The following LPCAT1 variants were observed in gnomAD, a reference collection of about 807,000 sequenced individuals.
LPCAT1 encodes 1-acylglycerol-3-phosphate O-acyltransferase.
In LPCAT1, 23 loss-of-function variants were observed where a neutral mutation model predicts 60.9. That is an observed-to-expected ratio of 0.38 (90% CI 0.27 to 0.53). The LOEUF (loss-of-function observed/expected upper bound fraction) is 0.53, where lower values mean the gene tolerates loss of function less well. Ranked by LOEUF, LPCAT1 falls within the 20% of genes least tolerant of loss-of-function variation. The pLI, the probability that LPCAT1 is intolerant of heterozygous loss-of-function variation, is 0.82. For synonymous variants in LPCAT1, 340 were observed against 301.1 expected (o/e 1.13, Z -1.34); for missense variants, 622 against 723.6 (o/e 0.86, Z 1.61).
rs748738167 is a variant in LPCAT1 at position 1,462,701 on chromosome 5, G to C, written c.*950C>G. The C allele has an allele frequency of 6.6e-5, 10 of 152,240 alleles. No homozygotes were observed. Among genetic ancestry groups the C allele is most frequent in the Non-Finnish European group, 4.4e-5 (3 of 68,060 alleles). 9.4% of individuals were successfully genotyped at this position (152,240 alleles called of 1,614,324 possible). On this transcript the variant is annotated 3_prime_UTR_variant, in exon 14 of 14. Coordinates refer to ENST00000283415, the MANE Select transcript of LPCAT1 (RefSeq NM_024830.5). ...CCTGGCCTGAGGGCAAGGGAGGAGC[G>C]GCACGGCGGCGGCTGCCTTGCGCTT...
chr5:1,493,042 G>C (rs1305702493), intron 3 of LPCAT1, among the ~76,000 whole-genome samples: 1 of 152,264 alleles, frequency 6.6e-6, no homozygotes, highest in Non-Finnish European at 1.5e-5. Context: ...TGCCCCATGA[G>C]CCTGTGGAGC....
rs575106581 is a variant in LPCAT1 at position 1,518,604 on chromosome 5, T to C, written c.135+5106A>G. ...ATCCGCCCGCCTCGGCCTCCCAAAG[T>C]GCTGGGATTACAGGCGTGAGCCGTT... On this transcript the variant is annotated intron_variant, in intron 1 of 13. Coordinates refer to ENST00000283415, the MANE Select transcript of LPCAT1 (RefSeq NM_024830.5). 2.0e-5 allele frequency among the ~76,000 whole-genome samples: 3 copies of C among 152,320 alleles called. No individual in the cohort carries two copies. The South Asian group carries it at 6.2e-4, about 32-fold the overall frequency.
At chr5:1,507,025 G>A (rs1736207186) in intron 1 of LPCAT1, among the ~76,000 whole-genome samples, 1 of 152,232 alleles carries the variant, frequency 6.6e-6, no homozygotes, top group Non-Finnish European at 1.5e-5. Flanking sequence ...AGGGATAAGC[G>A]GGCTGTTGCG....
rs201514261 is a variant in LPCAT1 at position 1,480,990 on chromosome 5, G to A, written c.727-14C>T. The A allele has an allele frequency of 6.2e-7, 1 of 1,613,586 alleles. No individual in the cohort carries two copies. The highest frequency in any genetic ancestry group is 1.3e-5 in the African/African-American group (1 of 75,048). The stretch of plus-strand genomic sequence containing the variant: ...TGTGATGGTGTCCTGGGGAGGAAGA[G>A]GCAGGGTCAGTCAGCATGGGGCCTG... On this transcript the variant is annotated splice_polypyrimidine_tract_variant and intron_variant, in intron 6 of 13. Transcript: ENST00000283415. The surrounding 1 kb of genome is among the most constrained non-coding windows in gnomAD (Gnocchi z 6.4).
rs540586701 is a variant in LPCAT1 at position 1,487,192 on chromosome 5, C to T, written c.667+1199G>A. 4.6e-4 allele frequency among the ~76,000 whole-genome samples: 70 copies of T among 152,360 alleles called. No homozygotes were observed. Among genetic ancestry groups the T allele is most frequent in the Non-Finnish European group, 8.7e-4 (59 of 68,042 alleles). On this transcript the variant is annotated intron_variant, in intron 5 of 13. Transcript: ENST00000283415. This position sits in a 1 kb window ranked among gnomAD's most constrained non-coding sequence, Gnocchi z 6.1. ...ACCTGACGTACTTGCCAGCTGTCTT[C>T]TGCCTGGGGCCTTGGAAACACGGCC...
At chr5:1,517,585 G>A (rs1736542106) in intron 1 of LPCAT1, among the ~76,000 whole-genome samples, 2 of 152,182 alleles carry the variant, frequency 1.3e-5, no homozygotes, top group South Asian at 2.1e-4. Flanking sequence ...GTCGAGTCCC[G>A]TGCCCGGCTC....
intron 11 of LPCAT1, among the ~76,000 whole-genome samples, chr5:1,471,173 C>T (rs1734653883): frequency 6.6e-6 from 1 of 152,200 alleles, no homozygotes; most frequent in East Asian, 1.9e-4. Flanking sequence ...ACAGGAAGCA[C>T]CTCAGCAAAG....
chr5:1,466,302 C>T lies in LPCAT1; in HGVS notation c.1420+447G>A, dbSNP rs564215963. Among the ~76,000 whole-genome samples the T allele has an allele frequency of 1.1e-4, 17 of 152,312 alleles. No individual in the cohort carries two copies. The South Asian group carries it at 3.5e-3, about 32-fold the overall frequency. ...CAGGTGACTTTTCTCGGGAGGAAGT[C>T]GCCCTGGGCGGCACGGGGGTCTGCA... On this transcript the variant is annotated intron_variant, in intron 13 of 13. Coordinates refer to ENST00000283415, the MANE Select transcript of LPCAT1 (RefSeq NM_024830.5).
intron 13 of LPCAT1, among the ~76,000 whole-genome samples, chr5:1,465,150 G>A (rs1280070943): frequency 3.7e-5 from 5 of 136,004 alleles, no homozygotes; most frequent in African/African-American, 1.4e-4. Context: ...GGCACACGCG[G>A]TAACTAAACA....
intron 8 of LPCAT1, among the ~76,000 whole-genome samples, chr5:1,479,150 C>G (rs545965541): frequency 6.6e-6 from 1 of 152,322 alleles, no homozygotes; most frequent in East Asian, 1.9e-4. Flanking sequence ...GATCCCCGCA[C>G]TTTAGGAGGC....
chr5:1,503,181 G>A (rs1056800970), intron 1 of LPCAT1, among the ~76,000 whole-genome samples: 6 of 152,196 alleles, frequency 3.9e-5, no homozygotes, highest in Middle Eastern at 3.4e-3. Flanking sequence ...CCCCTTCCCC[G>A]CTTCTGGGGG....
intron 1 of LPCAT1, among the ~76,000 whole-genome samples, chr5:1,508,138 G>C (rs146972758): frequency 3.3e-5 from 5 of 152,114 alleles, no homozygotes; most frequent in Non-Finnish European, 5.9e-5. Flanking sequence ...TCTGCTGTTC[G>C]GGAGGCACCT....
In LPCAT1 at chr5:1,470,940, C is replaced by T. The variant is rs747645922; in HGVS notation, c.1180-16G>A. ...CGCTGCCGCTCTGTGGGGAGAGACG[C>T]TCTCAGCCACAGCTCGGCCGCCTTC... On this transcript the variant is annotated splice_polypyrimidine_tract_variant and intron_variant, in intron 11 of 13. Coordinates refer to ENST00000283415, the MANE Select transcript of LPCAT1 (RefSeq NM_024830.5). 3 of 1,608,062 alleles carry T rather than the reference C, an allele frequency of 1.9e-6. No individual in the cohort carries two copies. The highest frequency in any genetic ancestry group is 8.5e-7 in the Non-Finnish European group (1 of 1,176,852).
intron 13 of LPCAT1, among the ~76,000 whole-genome samples, chr5:1,465,310 A>G (rs1374129576): frequency 2.1e-4 from 30 of 145,866 alleles, no homozygotes; most frequent in South Asian, 4.4e-4. Flanking sequence ...ATGTGCGCGC[A>G]CACACAAAAC....
rs186784558 is a variant in LPCAT1 at position 1,516,196 on chromosome 5, A to G, written c.135+7514T>C. Among the ~76,000 whole-genome samples the G allele has an allele frequency of 1.3e-3, 201 of 152,304 alleles. 1 individual carries two copies. Among genetic ancestry groups the G allele is most frequent in the African/African-American group, 4.0e-3 (167 of 41,568 alleles). ...CCCACTCTTTACAGAGACTTCCCCA[A>G]TGGCACAGGCGCCACGTGGTCCTGG... On this transcript the variant is annotated intron_variant, in intron 1 of 13. Transcript: ENST00000283415.
At chr5:1,491,387 G>A (rs1735576241) in intron 3 of LPCAT1, among the ~76,000 whole-genome samples, 1 of 152,008 alleles carries the variant, frequency 6.6e-6, no homozygotes, top group Admixed American at 6.6e-5. Flanking sequence ...AATCCTGTCA[G>A]CTGGTTTGTT....
chr5:1,474,202 A>AC, intron 10 of LPCAT1, 92 bp from the exon 11 acceptor site: 1 of 1,365,452 alleles, frequency 7.3e-7, no homozygotes. Context: ...AAATATTAAA[A>AC]TTGACAGAAG....
At position 1,481,910 on chromosome 5, in the gene LPCAT1, C is replaced by T. The variant is rs537703878; in HGVS notation, c.727-934G>A. Among the ~76,000 whole-genome samples the T allele has an allele frequency of 2.4e-4, 36 of 152,376 alleles. No homozygotes were observed. The highest frequency in any genetic ancestry group is 1.6e-3 in the Admixed American group (24 of 15,312). On this transcript the variant is annotated intron_variant, in intron 6 of 13. Coordinates refer to ENST00000283415, the MANE Select transcript of LPCAT1 (RefSeq NM_024830.5). The surrounding 1 kb of genome is among the most constrained non-coding windows in gnomAD (Gnocchi z 7.8). ...AAAGTGAAGCCCGGCAGGCATCGGA[C>T]GGGACAGGCCCTGAGGCGGATGGCC...
In LPCAT1 at chr5:1,495,227, G is replaced by A. The variant is rs1018869799; in HGVS notation, c.279-313C>T. On this transcript the variant is annotated intron_variant, in intron 2 of 13. Coordinates refer to ENST00000283415, the MANE Select transcript of LPCAT1 (RefSeq NM_024830.5). The surrounding 1 kb of genome is among the most constrained non-coding windows in gnomAD (Gnocchi z 4.7). Reference sequence around the variant, plus strand: ...CGGAACACAGACAGCACAAGTCCCAGGCCAGAAGACCTCCGGACCTTCATG... The same window carrying A: ...CGGAACACAGACAGCACAAGTCCCAAGCCAGAAGACCTCCGGACCTTCATG... 6.6e-6 allele frequency among the ~76,000 whole-genome samples: 1 copy of A among 152,182 alleles called. No individual in the cohort carries two copies. Among genetic ancestry groups the A allele is most frequent in the Non-Finnish European group, 1.5e-5 (1 of 68,024 alleles).
Sources: allele counts gnomAD v4.1 joint callset (sites outside exome capture counted in the v4.1 genomes callset), GRCh38; gene constraint gnomAD v4.1.1; non-coding constraint Gnocchi (gnomAD v3.1); transcripts MANE v1.5; gene names NCBI Gene and HGNC (gene_info 2026-07-23, HGNC 2026-07-21).